The following MAP3K5 variants were observed in gnomAD, a reference collection of about 807,000 sequenced individuals.
The protein encoded by MAP3K5 is mitogen-activated protein kinase kinase kinase 5.
Under a neutral mutation model 158.7 loss-of-function variants are expected in MAP3K5, and 56 were observed. That is an observed-to-expected ratio of 0.35 (90% CI 0.28 to 0.44). The LOEUF (loss-of-function observed/expected upper bound fraction) is 0.44, where lower values mean the gene tolerates loss of function less well. Among genes scored for constraint, MAP3K5 ranks in the 20% least tolerant of loss-of-function variants. The pLI is 1.00. For missense variants in MAP3K5, 1,294 were observed against 1,674.8 expected, an observed-to-expected ratio of 0.77 and a Z score of 3.97; for synonymous variants, 579 against 601.7, an observed-to-expected ratio of 0.96 and a Z score of 0.55.
At chr6:136,584,249 G>A (rs186858991) in intron 23 of MAP3K5, among the ~76,000 whole-genome samples, 1 of 152,318 alleles carries the variant, frequency 6.6e-6, no homozygotes, top group East Asian at 1.9e-4. Context: ...GGAAAGAGAA[G>A]CTATAAAATA....
rs1265518199 is a variant in MAP3K5, at chr6:136,668,911, G to GA, written c.1366+371dup. The stretch of plus-strand genomic sequence containing the variant: ...GATAAAGGAAACAGCAGAGGTTTTT[G>GA]AAAAAAAAGCACCACAAAAGCGCAA... On this transcript the variant is annotated intron_variant, in intron 8 of 29. Transcript: ENST00000359015. Among the ~76,000 whole-genome samples, 596 of 151,410 alleles carry GA rather than the reference G, an allele frequency of 3.9e-3. 8 individuals are homozygous for GA. The highest frequency in any genetic ancestry group is 0.013 in the African/African-American group (548 of 41,310).
intron 15 of MAP3K5, among the ~76,000 whole-genome samples, chr6:136,615,254 A>G (rs1287501271): frequency 6.6e-6 from 1 of 152,188 alleles, no homozygotes; most frequent in East Asian, 1.9e-4. Context: ...TCCGCTGGGC[A>G]TGGCAAAACA....
At position 136,567,782 on chromosome 6, in the gene MAP3K5, T is replaced by G; in HGVS notation, c.3610A>C (p.Asn1204His). 3 of 1,614,130 alleles carry G rather than the reference T, an allele frequency of 1.9e-6. No homozygotes were observed. The South Asian group carries it at 3.3e-5, about 18-fold the overall frequency. ...GCCTGAGGTCTTCGGACAGTTTGAT[T>G]TGAAGGCTGTTCCTCATGGTCATCT... is the stretch of plus-strand genomic sequence containing the variant. The part of the protein sequence containing the change: ...VEDDHEEQPS[N>H]QTVRRPQAVI... Residue 1204 changes from asparagine (N) to histidine (H), a missense_variant, in exon 26 of 30, where the codon AAT becomes CAT. By Grantham distance (68) the Asn-to-His change is moderately conservative (BLOSUM62 1). Transcript: ENST00000359015.
intron 15 of MAP3K5, among the ~76,000 whole-genome samples, 181 bp downstream of exon 15, chr6:136,622,667 T>C (rs1776859806): frequency 6.6e-6 from 1 of 152,222 alleles, no homozygotes; most frequent in Admixed American, 6.5e-5. Flanking sequence ...AGCCCCGTTC[T>C]TCCCCACCAG....
intron 1 of MAP3K5, among the ~76,000 whole-genome samples, chr6:136,769,910 G>C (rs532609018): frequency 5.4e-5 from 8 of 147,396 alleles, no homozygotes; most frequent in Non-Finnish European, 7.5e-5. Flanking sequence ...GAAAGGGAGG[G>C]AGGGAAGGAG....
At chr6:136,642,620 T>C (rs928090506) in intron 11 of MAP3K5, 51 bp from the exon 12 acceptor site, 9 of 1,204,676 alleles carry the variant, frequency 7.5e-6, no homozygotes, top group East Asian at 2.3e-5. Flanking sequence ...GAAAATAACA[T>C]AACAACAATA....
At position 136,776,945 on chromosome 6, in the gene MAP3K5, C is replaced by T. The variant is rs544182118; in HGVS notation, c.448+14765G>A. Among the ~76,000 whole-genome samples the T allele has an allele frequency of 3.9e-5, 6 of 152,156 alleles. No individual in the cohort carries two copies. The South Asian group carries it at 1.2e-3, about 32-fold the overall frequency. On this transcript the variant is annotated intron_variant, in intron 1 of 29. Coordinates refer to ENST00000359015, the MANE Select transcript of MAP3K5 (RefSeq NM_005923.4). ...CCCACTCATATGTCATATTTAATGG[C>T]TAAATGAGTTTTCTATACTACTGGT... is the stretch of plus-strand genomic sequence containing the variant.
At chr6:136,671,132 C>T (rs1276855372) in intron 7 of MAP3K5, among the ~76,000 whole-genome samples, 1 of 152,104 alleles carries the variant, frequency 6.6e-6, no homozygotes, top group African/African-American at 2.4e-5. Context: ...TAATATTTTT[C>T]ATTAAATACA....
At chr6:136,645,440 G>A (rs1179191671) in intron 11 of MAP3K5, among the ~76,000 whole-genome samples, 1 of 152,114 alleles carries the variant, frequency 6.6e-6, no homozygotes, top group African/African-American at 2.4e-5. Context: ...TCAGCACTTA[G>A]TCCTCCACTA....
intron 18 of MAP3K5, 143 bp downstream of exon 18, chr6:136,611,136 AAAG>A (rs1776323965): frequency 1.2e-5 from 5 of 427,482 alleles, no homozygotes; most frequent in Admixed American, 3.9e-5. Flanking sequence ...AAAAAAAAAG[AAAG>A]AAAAGAAAAG....
chr6:136,634,728 C>T (rs889439413), intron 14 of MAP3K5, among the ~76,000 whole-genome samples: 12 of 149,470 alleles, frequency 8.0e-5, no homozygotes, highest in South Asian at 2.1e-4. Flanking sequence ...TACAGGTGCA[C>T]GCCACCATGC....
At chr6:136,601,177 A>C (rs1775858559) in intron 20 of MAP3K5, 135 bp from the exon 21 acceptor site, 1 of 726,676 alleles carries the variant, frequency 1.4e-6, no homozygotes, top group Non-Finnish European at 2.3e-6. Context: ...ATTCTCCTCC[A>C]ATATAAACAT....
chr6:136,726,650 A>G (rs1449618912), intron 1 of MAP3K5, among the ~76,000 whole-genome samples: 1 of 151,962 alleles, frequency 6.6e-6, no homozygotes, highest in East Asian at 1.9e-4. Flanking sequence ...TTTTTTAATT[A>G]GTATTTCATA....
At chr6:136,629,480 A>T (rs1454693175) in intron 14 of MAP3K5, among the ~76,000 whole-genome samples, 1 of 151,780 alleles carries the variant, frequency 6.6e-6, no homozygotes, top group Non-Finnish European at 1.5e-5. Context: ...TTTGAGAAGG[A>T]GTCACGCTCT....
At chr6:136,682,331 G>A (rs2114599514) in intron 7 of MAP3K5, among the ~76,000 whole-genome samples, 1 of 152,172 alleles carries the variant, frequency 6.6e-6, no homozygotes, top group South Asian at 2.1e-4. Flanking sequence ...GAAGGAGGGT[G>A]GTAAAAATGA....
At chr6:136,764,048 C>T (rs577852846) in intron 1 of MAP3K5, among the ~76,000 whole-genome samples, 1 of 152,278 alleles carries the variant, frequency 6.6e-6, no homozygotes, top group African/African-American at 2.4e-5. Flanking sequence ...TACTCAGTTT[C>T]AGAAATCCTG....
At chr6:136,714,038 C>T (rs565686371) in intron 2 of MAP3K5, among the ~76,000 whole-genome samples, 65 of 152,206 alleles carry the variant, frequency 4.3e-4, no homozygotes, top group African/African-American at 1.6e-3. Context: ...TAAAAGAATC[C>T]TAAACCTTTG....
At chr6:136,607,007 C>T (rs1224474654) in intron 18 of MAP3K5, among the ~76,000 whole-genome samples, 1 of 152,230 alleles carries the variant, frequency 6.6e-6, no homozygotes, top group Non-Finnish European at 1.5e-5. Context: ...TACAACTGCA[C>T]ATGTCTGCTC....
At chr6:136,674,420 G>A (rs545820880) in intron 7 of MAP3K5, among the ~76,000 whole-genome samples, 1 of 152,086 alleles carries the variant, frequency 6.6e-6, no homozygotes, top group South Asian at 2.1e-4. Context: ...GAGGATGCAG[G>A]TTGTAATCTC....
Sources: allele counts gnomAD v4.1 joint callset (sites outside exome capture counted in the v4.1 genomes callset), GRCh38; gene constraint gnomAD v4.1.1; transcripts MANE v1.5; gene names NCBI Gene and HGNC (gene_info 2026-07-23, HGNC 2026-07-21).